FNBP4: variants seen among roughly 807,000 people sequenced by gnomAD.
FNBP4 encodes the protein formin-binding protein 4.
FNBP4 carries 34 observed loss-of-function variants against 119.3 expected under a neutral mutation model. The ratio of observed to expected loss-of-function variants is 0.28; its 90% confidence interval spans 0.22 to 0.38. The LOEUF (loss-of-function observed/expected upper bound fraction) is 0.38, where lower values mean the gene tolerates loss of function less well. Among genes scored for constraint, FNBP4 ranks in the 10% least tolerant of loss-of-function variants. The pLI is 1.00. For missense variants in FNBP4, 1,112 were observed against 1,228.9 expected (o/e 0.90, Z 1.42); for synonymous variants, 462 against 430.6 (o/e 1.07, Z -0.90).
intron 8 of FNBP4, among the ~76,000 whole-genome samples, chr11:47,737,280 C>T (rs79411376): frequency 0.079 from 11,949 of 152,190 alleles, 1,297 homozygotes; most frequent in African/African-American, 0.25. Flanking sequence ...TATCAAATTA[C>T]CCTTAAGTTT....
At chr11:47,729,303 G>A (rs1001693551) in intron 12 of FNBP4, 1 of 985,316 alleles carries the variant, frequency 1.0e-6, no homozygotes, top group South Asian at 4.7e-5. Context: ...AGAAAAAGGA[G>A]CTCAACTTCA....
At chr11:47,751,664 AC>A (rs1467870914) in intron 4 of FNBP4, among the ~76,000 whole-genome samples, 1 of 152,138 alleles carries the variant, frequency 6.6e-6, no homozygotes, top group Non-Finnish European at 1.5e-5. Flanking sequence ...TTAAAAAAAA[AC>A]AGTTTGGCCG....
At chr11:47,751,412 G>A in intron 4 of FNBP4, 122 bp from the exon 5 acceptor site, 1 of 1,120,798 alleles carries the variant, frequency 8.9e-7, no homozygotes, top group Non-Finnish European at 1.3e-6. Context: ...GGGCACACAG[G>A]TCTTTGTTGT....
rs2135122067 is a variant in FNBP4 at position 47,734,225 on chromosome 11, TG to T, written c.1582-97del. On this transcript the variant is annotated intron_variant, in intron 9 of 16. Transcript: ENST00000263773. Reference sequence around the variant, plus strand: ...TTTATTCTTATAGATATTAGAAATATGGGTCTGCCTATAAACAGCCTTCCCC... The same window carrying T: ...TTTATTCTTATAGATATTAGAAATATGGTCTGCCTATAAACAGCCTTCCCC... 4 of 625,038 alleles carry T rather than the reference TG, an allele frequency of 6.4e-6. No homozygotes were observed. In the South Asian group the frequency reaches 1.1e-4, roughly 17 times the overall value. The allele number at this position is 625,038 out of a possible 1,614,324, so 38.7% of individuals were successfully genotyped here. A position where few individuals can be genotyped will look rare whatever the true frequency, so the allele number is the denominator to read the frequency against.
At chr11:47,742,745 C>G (rs956838363) in intron 8 of FNBP4, among the ~76,000 whole-genome samples, 5 of 151,644 alleles carry the variant, frequency 3.3e-5, no homozygotes, top group African/African-American at 7.3e-5. Context: ...AAAAAATTAG[C>G]TGGGCGTGGT....
chr11:47,767,197 G>A lies in FNBP4; in HGVS notation c.92C>T (p.Pro31Leu), dbSNP rs1482510634. ...GPRGSTPGRD[P>L]EPEPDTEPDS... ...CGGCTCAGTGTCGGGTTCCGGCTCC[G>A]GGTCCCGGCCCGGCGTGCTGCCCCG... is the stretch of plus-strand genomic sequence containing the variant. The change falls in exon 1 of 17, where the codon CCG becomes CTG. Residue 31 changes from proline (P) to leucine (L), a missense_variant. Physicochemically the swap from Pro to Leu is moderately conservative, Grantham distance 98. Transcript: ENST00000263773. 3.2e-6 allele frequency: 5 copies of A among 1,562,432 alleles called. No homozygotes were observed. The highest frequency in any genetic ancestry group is 4.3e-6 in the Non-Finnish European group (5 of 1,160,276).
intron 9 of FNBP4, among the ~76,000 whole-genome samples, chr11:47,734,984 C>T (rs1053554502): frequency 3.6e-5 from 4 of 110,968 alleles, no homozygotes; most frequent in Admixed American, 9.5e-5. Flanking sequence ...CAACACCCCC[C>T]CCCCCAAAAA....
At chr11:47,734,865 C>A (rs545892568) in intron 9 of FNBP4, among the ~76,000 whole-genome samples, 1 of 151,346 alleles carries the variant, frequency 6.6e-6, no homozygotes, top group African/African-American at 2.4e-5. Context: ...CCCAGCTACT[C>A]GGGAGGCTGA....
At chr11:47,724,854 G>T in intron 12 of FNBP4, 76 bp from the exon 13 acceptor site, 1 of 1,496,970 alleles carries the variant, frequency 6.7e-7, no homozygotes. Flanking sequence ...ATGTTCAACT[G>T]GTCAGTAAGA....
At chr11:47,720,681 C>T (rs138024113) in intron 15 of FNBP4, among the ~76,000 whole-genome samples, 50 of 150,334 alleles carry the variant, frequency 3.3e-4, no homozygotes, top group Middle Eastern at 3.4e-3. Flanking sequence ...CTATGTAATT[C>T]AAAATATTGC....
At chr11:47,728,959 T>C (rs1189731141) in intron 12 of FNBP4, among the ~76,000 whole-genome samples, 1 of 151,628 alleles carries the variant, frequency 6.6e-6, no homozygotes, top group African/African-American at 2.4e-5. Context: ...TTCAAGTGAT[T>C]CTCGTGCCTC....
At chr11:47,739,597 A>G (rs2097578934) in intron 8 of FNBP4, among the ~76,000 whole-genome samples, 1 of 152,210 alleles carries the variant, frequency 6.6e-6, no homozygotes, top group Non-Finnish European at 1.5e-5. Context: ...AGTATTATTT[A>G]TTGTGAAACA....
At chr11:47,731,277 A>C (rs989425612) in intron 12 of FNBP4, 97 bp downstream of exon 12, 1 of 1,195,916 alleles carries the variant, frequency 8.4e-7, no homozygotes, top group Admixed American at 2.7e-5. Flanking sequence ...TCAGAAGCTT[A>C]TATTATTATG....
At chr11:47,719,808 G>A (rs2097553608) in intron 16 of FNBP4, 121 bp downstream of exon 16, 1 of 1,028,172 alleles carries the variant, frequency 9.7e-7, no homozygotes, top group Admixed American at 2.9e-5. Context: ...AAATTTACAA[G>A]CTGTGATTTT....
At position 47,724,309 on chromosome 11, in the gene FNBP4, TG is replaced by T; in HGVS notation, c.2320-138del. The T allele has an allele frequency of 2.6e-6, 4 of 1,514,316 alleles. No individual in the cohort carries two copies. The East Asian group carries it at 9.0e-5, about 34-fold the overall frequency. 93.8% of individuals were successfully genotyped at this position (1,514,316 alleles called of 1,614,324 possible). ...GAGATCATGACTCATTGCAGCCTCC[TG>T]GGCTTAAGCAATCCTCCTGCTTCGA... On this transcript the variant is annotated intron_variant, in intron 13 of 16. Coordinates refer to ENST00000263773, the MANE Select transcript of FNBP4 (RefSeq NM_015308.5).
chr11:47,728,048 G>A (rs1279010241), intron 12 of FNBP4, among the ~76,000 whole-genome samples: 3 of 150,948 alleles, frequency 2.0e-5, no homozygotes, highest in African/African-American at 7.3e-5. Flanking sequence ...GGCTAATTTT[G>A]TATTTTTAGT....
intron 9 of FNBP4, 82 bp downstream of exon 9, chr11:47,736,534 T>C: frequency 8.4e-7 from 1 of 1,194,490 alleles, no homozygotes; most frequent in Non-Finnish European, 1.2e-6. Context: ...CACTCCAGCC[T>C]GGGTGACAGA....
Position 47,732,419 on chromosome 11 carries a change from C to G in FNBP4, c.1820+118G>C, listed in dbSNP as rs531796408. 1 of 1,547,352 alleles carries G rather than the reference C, an allele frequency of 6.5e-7. No homozygotes were observed. The highest frequency in any genetic ancestry group is 1.3e-5 in the South Asian group (1 of 78,420). ...TTGCGGTGCTTTGCCTGCCCAGCAC[C>G]GCTAACTGCAGCTGCTCTCAGTCTC... On this transcript the variant is annotated intron_variant, in intron 11 of 16. Coordinates refer to ENST00000263773, the MANE Select transcript of FNBP4 (RefSeq NM_015308.5). This position sits in a 1 kb window ranked among gnomAD's most constrained non-coding sequence, Gnocchi z 4.2.
At chr11:47,735,018 T>C (rs1257839496) in intron 9 of FNBP4, among the ~76,000 whole-genome samples, 1 of 124,946 alleles carries the variant, frequency 8.0e-6, no homozygotes, top group Admixed American at 9.8e-5. Context: ...AAGCACAGCA[T>C]GGTGACTACA....
Sources: gnomAD v4.1 joint callset for allele counts (sites outside exome capture counted in the v4.1 genomes callset) on GRCh38, gnomAD v4.1.1 for gene constraint, Gnocchi (gnomAD v3.1) non-coding constraint, MANE v1.5 for transcripts, NCBI Gene and HGNC (gene_info 2026-07-23, HGNC 2026-07-21) for gene names.